Variants in UBE3B observed in about 807,000 individuals in gnomAD.
The protein encoded by UBE3B is ubiquitin protein ligase E3B.
A neutral mutation model predicts 132.3 loss-of-function variants in UBE3B; 80 were observed. The observed-to-expected ratio is 0.60, with a 90% CI of 0.50 to 0.73. The LOEUF is 0.73. Ranked by LOEUF, UBE3B falls within the 30% of genes least tolerant of loss-of-function variation. The pLI is 0.00. For synonymous variants in UBE3B, 487 were observed against 520.4 expected (o/e 0.94, Z 0.87); for missense variants, 1,196 against 1,362.5 (o/e 0.88, Z 1.92).
At position 109,488,553 on chromosome 12, in the gene UBE3B, CTG is replaced by C. The variant is rs776061254; in HGVS notation, c.448-15_448-14del. 1 of 1,606,772 alleles carries C rather than the reference CTG, an allele frequency of 6.2e-7. No homozygotes were observed. Among genetic ancestry groups the C allele is most frequent in the Admixed American group, 1.7e-5 (1 of 59,998 alleles). ...TCAGAAGACGTGTGTCTTAATCTTG[CTG>C]TGTTTATTGTTTCCAGCCTGAAATC... On this transcript the variant is annotated splice_polypyrimidine_tract_variant and intron_variant, in intron 6 of 27. Transcript: ENST00000342494.
chr12:109,510,591 AAG>A, intron 17 of UBE3B, 133 bp downstream of exon 17: 1 of 709,490 alleles, frequency 1.4e-6, no homozygotes, highest in Non-Finnish European at 2.4e-6. Context: ...CATTTGTGTA[AAG>A]AGAGCTGCTG....
intron 12 of UBE3B, among the ~76,000 whole-genome samples, chr12:109,500,595 G>A (rs1878856672): frequency 6.6e-6 from 1 of 152,184 alleles, no homozygotes; most frequent in Non-Finnish European, 1.5e-5. Flanking sequence ...AGGAGGATGG[G>A]GCGGAGGTGC....
At chr12:109,506,470 T>C (rs538466064) in intron 14 of UBE3B, among the ~76,000 whole-genome samples, 13 of 152,330 alleles carry the variant, frequency 8.5e-5, no homozygotes, top group Admixed American at 7.2e-4. Context: ...TGCCTCAGCC[T>C]CCTGAGCAGC....
intron 13 of UBE3B, among the ~76,000 whole-genome samples, chr12:109,501,821 AT>A (rs3214386): frequency 3.1e-3 from 458 of 145,864 alleles, no homozygotes; most frequent in African/African-American, 3.8e-3. Flanking sequence ...TGCCTGGCTA[AT>A]TTTTTTTTTT....
Position 109,486,474 on chromosome 12 carries a change from T to C in UBE3B, c.346T>C (p.Trp116Arg), listed in dbSNP as rs749905472. The C allele has an allele frequency of 6.3e-7, 1 of 1,596,440 alleles. No homozygotes were observed. The highest frequency in any genetic ancestry group is 1.1e-5 in the South Asian group (1 of 88,478). Residue 116 changes from tryptophan (W) to arginine (R), a missense_variant, in exon 6 of 28, where the codon TGG (tryptophan) becomes CGG (arginine). Trp to Arg is a moderately radical substitution (Grantham distance 101). Coordinates refer to ENST00000342494, the MANE Select transcript of UBE3B (RefSeq NM_130466.4). ...SMDAENEPKV[W>R]YVSLACSKDL... ...TTCCTCTTTTTCCCACCTATAGGTG[T>C]GGTATGTGTCCCTGGCTTGTTCTAA...
chr12:109,534,441 C>T lies in UBE3B; in HGVS notation c.3016-150C>T. 4.9e-6 allele frequency: 7 copies of T among 1,428,454 alleles called. No individual in the cohort carries two copies. The highest frequency in any genetic ancestry group is 5.5e-6 in the Non-Finnish European group (6 of 1,093,802). 88.5% of individuals were successfully genotyped at this position (1,428,454 alleles called of 1,614,324 possible). ...CAGTCGTCTTGTGTCTGGGGCTTGA[C>T]CTCGGGTAGTGGTGCCAGGGCAGCG... On this transcript the variant is annotated intron_variant, in intron 27 of 27. Coordinates refer to ENST00000342494, the MANE Select transcript of UBE3B (RefSeq NM_130466.4). The surrounding 1 kb of genome is among the most constrained non-coding windows in gnomAD (Gnocchi z 5.2).
chr12:109,482,046 G>T (rs1198228388), intron 2 of UBE3B, among the ~76,000 whole-genome samples: 1 of 151,946 alleles, frequency 6.6e-6, no homozygotes, highest in Non-Finnish European at 1.5e-5. Flanking sequence ...CTTTTTTTTG[G>T]TTATAAAAGG....
At chr12:109,486,381 CCTAA>C in intron 5 of UBE3B, 86 bp from the exon 6 acceptor site, 1 of 1,070,448 alleles carries the variant, frequency 9.3e-7, no homozygotes, top group Non-Finnish European at 1.4e-6. Flanking sequence ...TGGCACTGGA[CCTAA>C]CTAATAGGTC....
At position 109,535,787 on chromosome 12, in the gene UBE3B, A is replaced by G. The variant is rs895218332; in HGVS notation, c.*1005A>G. On this transcript the variant is annotated 3_prime_UTR_variant, in exon 28 of 28. Coordinates refer to ENST00000342494, the MANE Select transcript of UBE3B (RefSeq NM_130466.4). ...GAACCCGGAAGCCCGTTGCACTGAC[A>G]GAGGCTCACACCCTCTGGGTTTTTT... 1 of 151,952 alleles carries G rather than the reference A, an allele frequency of 6.6e-6. No individual in the cohort carries two copies. Among genetic ancestry groups the G allele is most frequent in the Non-Finnish European group, 1.5e-5 (1 of 68,016 alleles). 9.4% of individuals were successfully genotyped at this position (151,952 alleles called of 1,614,324 possible).
intron 18 of UBE3B, among the ~76,000 whole-genome samples, chr12:109,513,648 T>C (rs1176477297): frequency 2.0e-5 from 3 of 152,098 alleles, no homozygotes; most frequent in Non-Finnish European, 2.9e-5. Context: ...CTGAGATAAA[T>C]TGGAATGACT....
chr12:109,533,153 C>T (rs1025924746), intron 26 of UBE3B, among the ~76,000 whole-genome samples: 2 of 152,152 alleles, frequency 1.3e-5, no homozygotes, highest in African/African-American at 4.8e-5. Context: ...CTCTCGGGGA[C>T]GCCTCACCAG....
At chr12:109,542,989 C>T in the UBE3B span, among the ~76,000 whole-genome samples, 9 of 152,104 alleles carry the variant, frequency 5.9e-5, no homozygotes, top group Middle Eastern at 3.2e-3. Flanking sequence ...GGCTGGTGGG[C>T]ATCACAGGAA....
chr12:109,504,263 C>T (rs1395267054), intron 14 of UBE3B, among the ~76,000 whole-genome samples: 1 of 152,226 alleles, frequency 6.6e-6, no homozygotes, highest in Admixed American at 6.5e-5. Context: ...GTAGCACCTT[C>T]CCAACCAGCG....
At chr12:109,538,679 C>CCTG (rs1295841335), downstream of UBE3B, among the ~76,000 whole-genome samples, 1 of 152,192 alleles carries the variant, frequency 6.6e-6, no homozygotes, top group Non-Finnish European at 1.5e-5. This position sits in a 1 kb window ranked among gnomAD's most constrained non-coding sequence, Gnocchi z 4.1. Flanking sequence ...CAGAGTGGCT[C>CCTG]CTGCTGCTGC....
the UBE3B span, among the ~76,000 whole-genome samples, chr12:109,543,366 G>C: frequency 9.1e-6 from 1 of 110,022 alleles, no homozygotes; most frequent in Admixed American, 8.5e-5. Flanking sequence ...GGAGTGGCTC[G>C]GCACGGGGTC....
At chr12:109,541,000 A>T (rs1210197218), downstream of UBE3B, among the ~76,000 whole-genome samples, 1 of 152,186 alleles carries the variant, frequency 6.6e-6, no homozygotes, top group African/African-American at 2.4e-5. Context: ...CCTTCTCTGC[A>T]CGTCTCTGGC....
At chr12:109,519,170 A>C (rs953391827) in intron 19 of UBE3B, among the ~76,000 whole-genome samples, 1 of 152,240 alleles carries the variant, frequency 6.6e-6, no homozygotes, top group Non-Finnish European at 1.5e-5. Flanking sequence ...TGTCAAAGGC[A>C]GAACTGAGGC....
intron 18 of UBE3B, among the ~76,000 whole-genome samples, chr12:109,512,329 C>G (rs1880475626): frequency 6.6e-6 from 1 of 152,110 alleles, no homozygotes; most frequent in African/African-American, 2.4e-5. Context: ...ACCCGTCCCA[C>G]AGAGGGCCAA....
chr12:109,533,437 G>C (rs183496572), intron 26 of UBE3B, 29 bp from the exon 27 acceptor site: 1 of 1,600,562 alleles, frequency 6.2e-7, no homozygotes, highest in Non-Finnish European at 8.6e-7. Flanking sequence ...AGCCTGCCCC[G>C]TCCCCACTGA....
Sources: allele counts gnomAD v4.1 joint callset (sites outside exome capture counted in the v4.1 genomes callset), GRCh38; gene constraint gnomAD v4.1.1; non-coding constraint Gnocchi (gnomAD v3.1); transcripts MANE v1.5; gene names NCBI Gene and HGNC (gene_info 2026-07-23, HGNC 2026-07-21).